USP15: variants seen among roughly 807,000 people sequenced by gnomAD.
The protein encoded by USP15 is ubiquitin specific peptidase 15, also known as ubiquitin carboxyl-terminal hydrolase 15.
USP15 carries 18 observed loss-of-function variants against 127.1 expected under a neutral mutation model. That is an observed-to-expected ratio of 0.14 (90% CI 0.10 to 0.21). The LOEUF is 0.21. USP15 is among the 10% of genes least tolerant of loss of function. The pLI, the probability that USP15 is intolerant of heterozygous loss-of-function variation, is 1.00. For missense variants in USP15, 805 were observed against 1,159.9 expected, an observed-to-expected ratio of 0.69 and a Z score of 4.44; for synonymous variants, 364 against 393.7, an observed-to-expected ratio of 0.92 and a Z score of 0.89.
At chr12:62,276,885 C>T (rs1042013468) in intron 1 of USP15, among the ~76,000 whole-genome samples, 1 of 151,972 alleles carries the variant, frequency 6.6e-6, no homozygotes, top group Non-Finnish European at 1.5e-5. Flanking sequence ...AAAAACTGTG[C>T]CTTTTATGCA....
At chr12:62,319,021 A>G (rs1182244329) in intron 4 of USP15, among the ~76,000 whole-genome samples, 1 of 152,168 alleles carries the variant, frequency 6.6e-6, no homozygotes, top group Admixed American at 6.6e-5. Context: ...GCACTGCTAT[A>G]AAGAACTACT....
chr12:62,352,890 TC>T (rs1257758430), intron 7 of USP15, among the ~76,000 whole-genome samples: 1 of 151,956 alleles, frequency 6.6e-6, no homozygotes, highest in Non-Finnish European at 1.5e-5. Context: ...ACAGAATTAA[TC>T]TAATATAATA....
chr12:62,408,124 G>A lies in USP15; in HGVS notation c.*3749G>A, dbSNP rs2067932938. 6.6e-6 allele frequency: 1 copy of A among 151,914 alleles called. No individual in the cohort carries two copies. Among genetic ancestry groups the A allele is most frequent in the Admixed American group, 6.6e-5 (1 of 15,238 alleles). The allele number at this position is 151,914 out of a possible 1,614,324, so 9.4% of individuals were successfully genotyped here. On this transcript the variant is annotated 3_prime_UTR_variant, in exon 22 of 22. Coordinates refer to ENST00000280377, the MANE Select transcript of USP15 (RefSeq NM_001252078.2). ...TGAGTTTATCTTATAAAATAAGCCG[G>A]GAGACTGAAATGGAGTCTCCTTCAG...
rs950635185 is a variant in USP15 at position 62,416,367 on chromosome 12, G to A, written c.*11992G>A. 1 of 152,180 alleles carries A rather than the reference G, an allele frequency of 6.6e-6. No individual in the cohort carries two copies. The highest frequency in any genetic ancestry group is 1.5e-5 in the Non-Finnish European group (1 of 68,026). 9.4% of individuals were successfully genotyped at this position (152,180 alleles called of 1,614,324 possible). On this transcript the variant is annotated 3_prime_UTR_variant, in exon 22 of 22. Transcript: ENST00000280377. The stretch of plus-strand genomic sequence containing the variant: ...ATAGTATTTGTTCCTAAATGTAAAA[G>A]TTATTAAACAAGTTTTCTGAAAGTC...
rs143496689 is a variant in USP15, at chr12:62,339,196, A to G, written c.684-10025A>G. Among the ~76,000 whole-genome samples, 7 of 151,488 alleles carry G rather than the reference A, an allele frequency of 4.6e-5. No homozygotes were observed. In the East Asian group the frequency reaches 7.8e-4, roughly 17 times the overall value. On this transcript the variant is annotated intron_variant, in intron 6 of 21. Transcript: ENST00000280377. Reference sequence around the variant, plus strand: ...TCATGATTTGGCTCTCTGCTTGTCTATTTTCGGTGTATAGGAATGCTTGTG... The same window carrying G: ...TCATGATTTGGCTCTCTGCTTGTCTGTTTTCGGTGTATAGGAATGCTTGTG...
At chr12:62,308,806 T>G (rs776202613) in intron 3 of USP15, among the ~76,000 whole-genome samples, 2 of 152,174 alleles carry the variant, frequency 1.3e-5, no homozygotes, top group Non-Finnish European at 2.9e-5. Flanking sequence ...CTGTCATTAG[T>G]GGGATTAAGC....
At chr12:62,352,396 T>A (rs2065991133) in intron 7 of USP15, among the ~76,000 whole-genome samples, 1 of 152,018 alleles carries the variant, frequency 6.6e-6, no homozygotes, top group Non-Finnish European at 1.5e-5. Flanking sequence ...TTAAGTACAT[T>A]TTTAAATATC....
chr12:62,394,842 A>G (rs1465792846), intron 19 of USP15, among the ~76,000 whole-genome samples: 4 of 149,088 alleles, frequency 2.7e-5, no homozygotes, highest in Non-Finnish European at 5.9e-5. Flanking sequence ...ACAGAGCGAG[A>G]CTCCCTCTCA....
At position 62,390,001 on chromosome 12, in the gene USP15, C is replaced by T. The variant is rs2067272275; in HGVS notation, c.1844+13C>T. ...TCTTGAGAATGTGGTAAGTGCCAGA[C>T]AATTCTACATTGACAAAATAAATAT... On this transcript the variant is annotated intron_variant, in intron 14 of 21. Coordinates refer to ENST00000280377, the MANE Select transcript of USP15 (RefSeq NM_001252078.2). 1 of 1,567,186 alleles carries T rather than the reference C, an allele frequency of 6.4e-7. No individual in the cohort carries two copies. The highest frequency in any genetic ancestry group is 8.6e-7 in the Non-Finnish European group (1 of 1,156,970).
intron 11 of USP15, among the ~76,000 whole-genome samples, chr12:62,385,680 A>T (rs2067126513): frequency 6.6e-6 from 1 of 152,018 alleles, no homozygotes; most frequent in African/African-American, 2.4e-5. Context: ...TCACATTTTT[A>T]AAGTTATATC....
rs566619911 is a variant in USP15, at chr12:62,412,394, G to A, written c.*8019G>A. ...AGTAGTGAAGTTTGCTTCATCAATTGACTCTTCCTTTTACAAGAGATTTCT... is the reference window on the plus strand; with the variant it reads ...AGTAGTGAAGTTTGCTTCATCAATTAACTCTTCCTTTTACAAGAGATTTCT... On this transcript the variant is annotated 3_prime_UTR_variant, in exon 22 of 22. Coordinates refer to ENST00000280377, the MANE Select transcript of USP15 (RefSeq NM_001252078.2). 3.3e-3 allele frequency: 499 copies of A among 152,338 alleles called. 3 individuals carry two copies. The highest frequency in any genetic ancestry group is 0.024 in the Middle Eastern group (7 of 296). The allele number at this position is 152,338 out of a possible 1,614,324, so 9.4% of individuals were successfully genotyped here. A position where few individuals can be genotyped will look rare whatever the true frequency, so the allele number is the denominator to read the frequency against.
intron 3 of USP15, chr12:62,314,014 C>T: frequency 1.1e-6 from 1 of 896,132 alleles, no homozygotes. Context: ...TGACTGAAAT[C>T]CTACAGTTAA....
intron 1 of USP15, among the ~76,000 whole-genome samples, chr12:62,272,849 CTT>C (rs1360869784): frequency 1.3e-5 from 2 of 152,006 alleles, no homozygotes; most frequent in African/African-American, 4.8e-5. Context: ...GTTAATATAA[CTT>C]TATGTAAGTT....
Position 62,321,615 on chromosome 12 carries a change from G to T in USP15, c.621+6G>T. 1 of 1,543,642 alleles carries T rather than the reference G, an allele frequency of 6.5e-7. No homozygotes were observed. The highest frequency in any genetic ancestry group is 8.7e-7 in the Non-Finnish European group (1 of 1,150,684). The stretch of plus-strand genomic sequence containing the variant: ...CTGGTTTATACCAAGGACAGGTATT[G>T]TTTATTTTAAGCATACTGTATTATA... On this transcript the variant is annotated splice_donor_region_variant and intron_variant, in intron 5 of 21. Transcript: ENST00000280377.
At chr12:62,286,767 G>A (rs777240525) in intron 1 of USP15, among the ~76,000 whole-genome samples, 22 of 151,952 alleles carry the variant, frequency 1.4e-4, no homozygotes, top group South Asian at 6.2e-4. Flanking sequence ...GTAAAACCCC[G>A]TCTCTATTAA....
chr12:62,395,596 CG>C (rs1161556398), intron 19 of USP15, among the ~76,000 whole-genome samples: 20 of 151,214 alleles, frequency 1.3e-4, no homozygotes, highest in East Asian at 5.8e-4. Context: ...TTTATTCATT[CG>C]TTTTTTTTTT....
At position 62,412,320 on chromosome 12, in the gene USP15, G is replaced by C. The variant is rs1171779282; in HGVS notation, c.*7945G>C. The C allele has an allele frequency of 6.6e-6, 1 of 152,188 alleles. No homozygotes were observed. Among genetic ancestry groups the C allele is most frequent in the East Asian group, 1.9e-4 (1 of 5,200 alleles). The allele number at this position is 152,188 out of a possible 1,614,324, so 9.4% of individuals were successfully genotyped here. A position where few individuals can be genotyped will look rare whatever the true frequency, so the allele number is the denominator to read the frequency against. On this transcript the variant is annotated 3_prime_UTR_variant, in exon 22 of 22. Coordinates refer to ENST00000280377, the MANE Select transcript of USP15 (RefSeq NM_001252078.2). Reference sequence around the variant, plus strand: ...CATTTTGATAGATACTCACCAGGATGGTGGTTGCTGAAGGTTAGGGTGGCC... The same window carrying C: ...CATTTTGATAGATACTCACCAGGATCGTGGTTGCTGAAGGTTAGGGTGGCC...
At chr12:62,338,504 G>A (rs779607018) in intron 6 of USP15, among the ~76,000 whole-genome samples, 10 of 152,012 alleles carry the variant, frequency 6.6e-5, no homozygotes, top group Non-Finnish European at 1.5e-4. Flanking sequence ...GTCAATTTTG[G>A]CTTTTGTTGT....
At chr12:62,274,436 G>A (rs2063426765) in intron 1 of USP15, 1 of 150,056 alleles carries the variant, frequency 6.7e-6, no homozygotes, top group Non-Finnish European at 1.5e-5. Context: ...AAAAAACGGT[G>A]CATTTACTAC....
Sources: allele counts gnomAD v4.1 joint callset (sites outside exome capture counted in the v4.1 genomes callset), GRCh38; gene constraint gnomAD v4.1.1; transcripts MANE v1.5; gene names NCBI Gene and HGNC (gene_info 2026-07-23, HGNC 2026-07-21).